IL1RAPL1: variants seen among roughly 807,000 people sequenced by gnomAD.
The protein encoded by IL1RAPL1 is interleukin 1 receptor accessory protein like 1.
A neutral mutation model predicts 48.4 loss-of-function variants in IL1RAPL1; 3 were observed. The ratio of observed to expected loss-of-function variants is 0.06; its 90% CI spans 0.03 to 0.16. IL1RAPL1 has a LOEUF of 0.16. Ranked by LOEUF, IL1RAPL1 falls within the 10% of genes least tolerant of loss-of-function variation. IL1RAPL1 has a pLI of 1.00. For synonymous variants in IL1RAPL1, 185 were observed against 187.7 expected, an observed-to-expected ratio of 0.99 and a Z score of 0.12; for missense variants, 349 against 530.6, an observed-to-expected ratio of 0.66 and a Z score of 3.36.
chrX:29,801,386 A>G (rs1038481660), intron 6 of IL1RAPL1, among the ~76,000 whole-genome samples: 1 of 111,546 alleles, frequency 9.0e-6, no homozygotes, highest in Non-Finnish European at 1.9e-5. Flanking sequence ...ATGCCTGGAC[A>G]CCTGTTGAGC....
intron 3 of IL1RAPL1, among the ~76,000 whole-genome samples, chrX:29,302,156 G>T (rs1054038125): frequency 2.7e-5 from 3 of 111,921 alleles, no homozygotes; most frequent in Non-Finnish European, 5.6e-5. Context: ...ATGTCGCAGA[G>T]AAAATTATTC....
At chrX:29,907,960 TTTC>T (rs1268673283) in intron 6 of IL1RAPL1, among the ~76,000 whole-genome samples, 2 of 111,019 alleles carry the variant, frequency 1.8e-5, no homozygotes, top group African/African-American at 6.5e-5. Flanking sequence ...AACTACAGAG[TTTC>T]TTCTTAAGGC....
chrX:28,732,956 A>T, intron 1 of IL1RAPL1, among the ~76,000 whole-genome samples: 1 of 111,614 alleles, frequency 9.0e-6, no homozygotes. Flanking sequence ...GATTACCTGG[A>T]TTAATTCCTA....
chrX:29,072,807 T>C (rs1927593459), intron 2 of IL1RAPL1, among the ~76,000 whole-genome samples: 1 of 112,200 alleles, frequency 8.9e-6, no homozygotes, highest in Non-Finnish European at 1.9e-5. Context: ...ATCTTTCTCC[T>C]GGTACAGGCT....
intron 3 of IL1RAPL1, among the ~76,000 whole-genome samples, chrX:29,284,292 T>C (rs1932247404): frequency 8.9e-6 from 1 of 112,367 alleles, no homozygotes; most frequent in African/African-American, 3.2e-5. Flanking sequence ...ACGGGTGTGC[T>C]AGGACATTGA....
At chrX:29,909,114 CCTGTAATCCCAGCACT>C (rs1393664796) in intron 6 of IL1RAPL1, among the ~76,000 whole-genome samples, 22 of 111,761 alleles carry the variant, frequency 2.0e-4, no homozygotes, top group Non-Finnish European at 1.9e-5. Flanking sequence ...GTGGCTCATG[CCTGTAATCCCAGCACT>C]TTGGGAGGCC....
intron 5 of IL1RAPL1, among the ~76,000 whole-genome samples, chrX:29,606,696 T>A (rs1026878027): frequency 3.6e-5 from 4 of 112,094 alleles, no homozygotes; most frequent in Non-Finnish European, 7.5e-5. Flanking sequence ...AAATTCATAA[T>A]AGTTTGGAAT....
chrX:28,702,381 A>G (rs1935310488), intron 1 of IL1RAPL1, among the ~76,000 whole-genome samples: 1 of 111,914 alleles, frequency 8.9e-6, no homozygotes, highest in South Asian at 3.6e-4. Flanking sequence ...TACTTAAAAC[A>G]TTTATTACAA....
At chrX:29,559,234 T>A (rs1922103685) in intron 5 of IL1RAPL1, among the ~76,000 whole-genome samples, 1 of 111,989 alleles carries the variant, frequency 8.9e-6, no homozygotes, top group South Asian at 3.7e-4. Flanking sequence ...TATTCTGTTG[T>A]GGAATTTTGC....
chrX:28,638,419 A>G, intron 1 of IL1RAPL1, among the ~76,000 whole-genome samples: 1 of 110,833 alleles, frequency 9.0e-6, no homozygotes, highest in South Asian at 3.8e-4. Context: ...TTCACTGGTC[A>G]AGTGAAATAC....
At chrX:28,914,767 G>C (rs898287745) in intron 2 of IL1RAPL1, among the ~76,000 whole-genome samples, 1 of 112,654 alleles carries the variant, frequency 8.9e-6, no homozygotes, top group Non-Finnish European at 1.9e-5. Context: ...AGCAAAACAT[G>C]TGTTAGCTCA....
At chrX:28,626,577 A>G (rs1283431961) in intron 1 of IL1RAPL1, among the ~76,000 whole-genome samples, 1 of 112,339 alleles carries the variant, frequency 8.9e-6, no homozygotes, top group African/African-American at 3.2e-5. Flanking sequence ...ACAAAGGGGC[A>G]AATCAGAACA....
rs10521950 is a variant in IL1RAPL1 at position 29,107,788 on chromosome X, G to C, written c.83-175150G>C. Among the ~76,000 whole-genome samples the C allele has an allele frequency of 1.4e-3, 160 of 112,097 alleles. 1 individual carries two copies. Among genetic ancestry groups the C allele is most frequent in the African/African-American group, 5.0e-3 (154 of 30,897 alleles). ...GTCTGAATTTATTACACAATGTTAC[G>C]TTTACTGCTAAAATGCTGGTCGTTG... On this transcript the variant is annotated intron_variant, in intron 2 of 10. Transcript: ENST00000378993.
intron 6 of IL1RAPL1, among the ~76,000 whole-genome samples, chrX:29,757,013 G>T (rs376108134): frequency 1.8e-5 from 2 of 111,186 alleles, no homozygotes; most frequent in Admixed American, 9.6e-5. Context: ...AAGCTAAGAA[G>T]AGGCAAGGAA....
Position 28,781,801 on chromosome X carries a change from T to C in IL1RAPL1, c.-24-7519T>C, listed in dbSNP as rs964935116. Reference sequence around the variant, plus strand: ...CAGTGGTTAAGTATTTTAAAGGCTATATATTGAGAAATTGCTTTCCAGTAA... The same window carrying C: ...CAGTGGTTAAGTATTTTAAAGGCTACATATTGAGAAATTGCTTTCCAGTAA... On this transcript the variant is annotated intron_variant, in intron 1 of 10. Coordinates refer to ENST00000378993, the MANE Select transcript of IL1RAPL1 (RefSeq NM_014271.4). 3.6e-5 allele frequency among the ~76,000 whole-genome samples: 4 copies of C among 111,319 alleles called. No homozygotes were observed. In the South Asian group the frequency reaches 1.1e-3, roughly 31 times the overall value.
rs1315150481 is a variant in IL1RAPL1, at chrX:29,247,381, T to C, written c.83-35557T>C. On this transcript the variant is annotated intron_variant, in intron 2 of 10. Transcript: ENST00000378993. ...TCTGTGCTCATCTGGGCATGGGACA[T>C]GTCACACAGATATTAAAGACACTAC... Among the ~76,000 whole-genome samples the C allele has an allele frequency of 3.6e-5, 4 of 110,820 alleles. No individual in the cohort carries two copies. In the Admixed American group the frequency reaches 3.9e-4, roughly 11 times the overall value.
At chrX:29,736,830 A>G (rs1432285973) in intron 6 of IL1RAPL1, among the ~76,000 whole-genome samples, 2 of 112,393 alleles carry the variant, frequency 1.8e-5, no homozygotes, top group African/African-American at 6.5e-5. Context: ...TGATTATTAT[A>G]TTATCTAGTT....
intron 1 of IL1RAPL1, among the ~76,000 whole-genome samples, chrX:28,623,650 T>G (rs1042020059): frequency 8.9e-5 from 10 of 112,161 alleles, no homozygotes; most frequent in African/African-American, 3.2e-4. Context: ...TTTTATTCTT[T>G]CCTTCATAAG....
intron 5 of IL1RAPL1, among the ~76,000 whole-genome samples, chrX:29,452,650 A>G (rs1211424300): frequency 9.0e-6 from 1 of 111,450 alleles, no homozygotes. Flanking sequence ...TGTATGTTTC[A>G]TTCTTGGCCA....
Sources: gnomAD v4.1 joint callset for allele counts (sites outside exome capture counted in the v4.1 genomes callset) on GRCh38, gnomAD v4.1.1 for gene constraint, MANE v1.5 for transcripts, NCBI Gene and HGNC (gene_info 2026-07-23, HGNC 2026-07-21) for gene names.